Variants in RBFOX1 observed in about 807,000 individuals in gnomAD.
The protein encoded by RBFOX1 is RNA binding fox-1 homolog 1.
In RBFOX1, 8 loss-of-function variants were observed where a neutral mutation model predicts 57.7. The observed-to-expected ratio is 0.14, with a 90% confidence interval of 0.08 to 0.25. The LOEUF is 0.25. Among genes scored for constraint, RBFOX1 ranks in the 10% least tolerant of loss-of-function variants. The pLI, the probability that RBFOX1 is intolerant of heterozygous loss-of-function variation, is 1.00. For synonymous variants in RBFOX1, 326 were observed against 222.4 expected (o/e 1.47, Z -4.15); for missense variants, 611 against 548.5 (o/e 1.11, Z -1.14).
At chr16:6,911,801 TC>T (rs1194727748) in intron 3 of RBFOX1, among the ~76,000 whole-genome samples, 1 of 152,210 alleles carries the variant, frequency 6.6e-6, no homozygotes, top group Non-Finnish European at 1.5e-5. Context: ...ATCTATTTTT[TC>T]TTCTTTTTCA....
intron 5 of RBFOX1, among the ~76,000 whole-genome samples, chr16:7,569,353 T>A (rs1395822193): frequency 6.6e-6 from 1 of 152,186 alleles, no homozygotes; most frequent in African/African-American, 2.4e-5. Flanking sequence ...CCCATGCCTT[T>A]CCTGGCCCCT....
At chr16:5,456,139 G>C (rs556487072) in intron 1 of RBFOX1, among the ~76,000 whole-genome samples, 1 of 152,006 alleles carries the variant, frequency 6.6e-6, no homozygotes, top group Non-Finnish European at 1.5e-5. Context: ...TTAACATGAG[G>C]TTATGCTATC....
rs578145588 is a variant in RBFOX1 at position 7,415,818 on chromosome 16, A to G, written c.28-102329A>G. Among the ~76,000 whole-genome samples, 4 of 152,312 alleles carry G rather than the reference A, an allele frequency of 2.6e-5. No homozygotes were observed. In the East Asian group the frequency reaches 7.7e-4, roughly 29 times the overall value. Reference sequence around the variant, plus strand: ...TATATCTTTCCAGGCCCTTCTTTCCAAAGTTATTTGACTCTAAACTTAGCA... The same window carrying G: ...TATATCTTTCCAGGCCCTTCTTTCCGAAGTTATTTGACTCTAAACTTAGCA... On this transcript the variant is annotated intron_variant, in intron 4 of 15. Coordinates refer to ENST00000550418, the MANE Select transcript of RBFOX1 (RefSeq NM_018723.4).
intron 3 of RBFOX1, among the ~76,000 whole-genome samples, chr16:6,778,360 C>A (rs983916794): frequency 1.3e-5 from 2 of 152,088 alleles, no homozygotes; most frequent in Non-Finnish European, 2.9e-5. Flanking sequence ...AAACTCATAG[C>A]CAATCATGTT....
At chr16:6,717,093 C>G (rs941393185) in intron 3 of RBFOX1, among the ~76,000 whole-genome samples, 9 of 152,210 alleles carry the variant, frequency 5.9e-5, no homozygotes, top group African/African-American at 2.2e-4. Context: ...ACACACCAAT[C>G]TGTCAGTGGA....
chr16:5,935,306 C>T (rs1272152796), intron 4 of RBFOX1, among the ~76,000 whole-genome samples: 2 of 152,128 alleles, frequency 1.3e-5, no homozygotes, highest in African/African-American at 4.8e-5. Context: ...CAGGCCATGC[C>T]ACATGGGGCC....
intron 4 of RBFOX1, among the ~76,000 whole-genome samples, chr16:7,263,084 G>T (rs1031575084): frequency 1.3e-5 from 2 of 152,186 alleles, no homozygotes; most frequent in Non-Finnish European, 2.9e-5. Flanking sequence ...CACAACCTCT[G>T]AATAGCCCTT....
intron 1 of RBFOX1, among the ~76,000 whole-genome samples, chr16:6,168,362 G>A (rs964821674): frequency 6.6e-6 from 1 of 152,142 alleles, no homozygotes; most frequent in Non-Finnish European, 1.5e-5. Context: ...TCTAGCTTAA[G>A]TATGAACAGC....
At chr16:5,657,251 C>T (rs182751183) in intron 3 of RBFOX1, among the ~76,000 whole-genome samples, 83 of 152,246 alleles carry the variant, frequency 5.5e-4, no homozygotes, top group Non-Finnish European at 2.1e-4. Context: ...GGTCTTAGAA[C>T]CATGATTTCC....
chr16:5,591,229 C>T (rs1053112546), intron 2 of RBFOX1, among the ~76,000 whole-genome samples: 3 of 151,898 alleles, frequency 2.0e-5, no homozygotes, highest in Admixed American at 2.0e-4. Context: ...GCTACCACAT[C>T]CTTTTCCTTC....
At chr16:5,471,264 C>T (rs556737604) in intron 2 of RBFOX1, among the ~76,000 whole-genome samples, 2 of 152,196 alleles carry the variant, frequency 1.3e-5, no homozygotes, top group African/African-American at 2.4e-5. Flanking sequence ...GAGGAAATGG[C>T]GTTCTGTTCC....
intron 14 of RBFOX1, among the ~76,000 whole-genome samples, chr16:7,695,193 A>G (rs1479672461): frequency 6.6e-6 from 1 of 152,170 alleles, no homozygotes; most frequent in Non-Finnish European, 1.5e-5. Flanking sequence ...ATTATGTTGC[A>G]TGCTTCATAA....
At chr16:6,225,826 G>C (rs1031569877) in intron 1 of RBFOX1, among the ~76,000 whole-genome samples, 16 of 152,354 alleles carry the variant, frequency 1.1e-4, no homozygotes, top group African/African-American at 3.8e-4. Flanking sequence ...TGTGAATGCA[G>C]TGTGCAACAT....
At chr16:6,855,344 A>T (rs969341428) in intron 3 of RBFOX1, among the ~76,000 whole-genome samples, 1 of 152,138 alleles carries the variant, frequency 6.6e-6, no homozygotes, top group African/African-American at 2.4e-5. Context: ...AGGTAGTCAC[A>T]CAAAACAGAA....
At chr16:5,248,560 C>G (rs1468313244) in intron 1 of RBFOX1, among the ~76,000 whole-genome samples, 1 of 152,194 alleles carries the variant, frequency 6.6e-6, no homozygotes, top group Non-Finnish European at 1.5e-5. Context: ...ACCTCACCAG[C>G]TGAGGATCAG....
intron 3 of RBFOX1, among the ~76,000 whole-genome samples, chr16:6,825,060 G>C (rs1195644545): frequency 8.1e-6 from 1 of 123,724 alleles, no homozygotes; most frequent in Non-Finnish European, 1.6e-5. Context: ...GCAGTGGCAT[G>C]ATCTTTGCTC....
chr16:6,650,458 C>T lies in RBFOX1; in HGVS notation c.-63-4145C>T, dbSNP rs531562674. 2.0e-5 allele frequency among the ~76,000 whole-genome samples: 3 copies of T among 152,244 alleles called. No individual in the cohort carries two copies. In the South Asian group the frequency reaches 6.2e-4, roughly 32 times the overall value. On this transcript the variant is annotated intron_variant, in intron 2 of 15. Transcript: ENST00000550418. ...TTCTGGTTACAGATTTAAGCTCCCT[C>T]ATTGTGTGATTCAGTATGAGTTACC...
At chr16:6,856,410 G>C (rs906892975) in intron 3 of RBFOX1, among the ~76,000 whole-genome samples, 1 of 152,118 alleles carries the variant, frequency 6.6e-6, no homozygotes, top group African/African-American at 2.4e-5. Context: ...CTAGGATTTA[G>C]GTGAGCAATC....
intron 4 of RBFOX1, among the ~76,000 whole-genome samples, chr16:7,128,274 C>T (rs1412213986): frequency 6.6e-6 from 1 of 152,216 alleles, no homozygotes; most frequent in African/African-American, 2.4e-5. Context: ...CTTGAATCCT[C>T]ACAATAATTC....
Sources: allele counts gnomAD v4.1 joint callset (sites outside exome capture counted in the v4.1 genomes callset), GRCh38; gene constraint gnomAD v4.1.1; transcripts MANE v1.5; gene names NCBI Gene and HGNC (gene_info 2026-07-23, HGNC 2026-07-21).